Variants in DPYSL2 observed in about 807,000 individuals in gnomAD.
The protein encoded by DPYSL2 is dihydropyrimidinase-related protein 2.
In DPYSL2, 13 loss-of-function variants were observed where a neutral mutation model predicts 69.9. The ratio of observed to expected loss-of-function variants is 0.19; its 90% CI spans 0.12 to 0.30. The LOEUF (loss-of-function observed/expected upper bound fraction) is 0.30, where lower values mean the gene tolerates loss of function less well. Ranked by LOEUF, DPYSL2 falls within the 10% of genes least tolerant of loss-of-function variation. DPYSL2 has a pLI of 1.00. For missense variants in DPYSL2, 587 were observed against 918.9 expected, an observed-to-expected ratio of 0.64 and a Z score of 4.67; for synonymous variants, 326 against 359.1, an observed-to-expected ratio of 0.91 and a Z score of 1.04.
At chr8:26,531,001 ATGAGCCC>A (rs1443031819) in intron 1 of DPYSL2, among the ~76,000 whole-genome samples, 2 of 151,464 alleles carry the variant, frequency 1.3e-5, no homozygotes, top group African/African-American at 4.9e-5. Flanking sequence ...TGAGGCTGCA[ATGAGCCC>A]TGATTGTGTC....
At chr8:26,638,029 C>G (rs1802958117) in intron 8 of DPYSL2, 1 of 152,196 alleles carries the variant, frequency 6.6e-6, no homozygotes, top group African/African-American at 2.4e-5. Flanking sequence ...CTTCTGGCCC[C>G]CTGAGGCAAG....
At chr8:26,570,241 AG>A (rs34090427) in intron 1 of DPYSL2, among the ~76,000 whole-genome samples, 81,200 of 151,774 alleles carry the variant, frequency 0.54, 22,542 homozygotes, top group East Asian at 0.66. Flanking sequence ...CTATGAGGGG[AG>A]GGCCAGAGCC....
intron 1 of DPYSL2, among the ~76,000 whole-genome samples, chr8:26,541,774 C>T (rs1800687663): frequency 6.6e-6 from 1 of 151,858 alleles, no homozygotes; most frequent in African/African-American, 2.4e-5. Flanking sequence ...AAGCCTTTAT[C>T]TAATAGCAAA....
chr8:26,584,328 T>G (rs752454136), intron 3 of DPYSL2, among the ~76,000 whole-genome samples: 1 of 152,228 alleles, frequency 6.6e-6, no homozygotes, highest in Non-Finnish European at 1.5e-5. Context: ...CCACCAACTT[T>G]AAGCCATTGA....
rs913000055 is a variant in DPYSL2, at chr8:26,586,637, C to T, written c.628+2654C>T. On this transcript the variant is annotated intron_variant, in intron 3 of 13. Transcript: ENST00000521913. This position sits in a 1 kb window ranked among gnomAD's most constrained non-coding sequence, Gnocchi z 4.7. ...TCGTCTTCCCCCTCAGAGGCTGTGGCCTTTTTTCCATTCATCCAGATGGGT... is the reference window on the plus strand; with the variant it reads ...TCGTCTTCCCCCTCAGAGGCTGTGGTCTTTTTTCCATTCATCCAGATGGGT... Among the ~76,000 whole-genome samples, 9 of 152,204 alleles carry T rather than the reference C, an allele frequency of 5.9e-5. No homozygotes were observed. The highest frequency in any genetic ancestry group is 2.2e-4 in the African/African-American group (9 of 41,454).
At chr8:26,572,656 C>G (rs980990119) in intron 1 of DPYSL2, among the ~76,000 whole-genome samples, 1 of 152,106 alleles carries the variant, frequency 6.6e-6, no homozygotes, top group South Asian at 2.1e-4. Context: ...TCCCCTACCA[C>G]GCCCAGCTAG....
intron 3 of DPYSL2, among the ~76,000 whole-genome samples, chr8:26,606,478 G>C (rs913238804): frequency 5.3e-5 from 8 of 151,954 alleles, no homozygotes; most frequent in African/African-American, 1.9e-4. Flanking sequence ...TAACGAAGTA[G>C]GACATTCGAC....
chr8:26,535,616 GAT>G (rs542036370), intron 1 of DPYSL2, among the ~76,000 whole-genome samples: 31 of 147,904 alleles, frequency 2.1e-4, no homozygotes, highest in East Asian at 3.9e-4. Context: ...AAAACAGACT[GAT>G]ATATATATAT....
intron 1 of DPYSL2, among the ~76,000 whole-genome samples, chr8:26,522,337 A>AAACAAACAAACT (rs59100943): frequency 1.5e-5 from 2 of 137,894 alleles, no homozygotes; most frequent in African/African-American, 5.1e-5. Flanking sequence ...ACAAACAAAC[A>AAACAAACAAACT]AATGTTTTCA....
chr8:26,608,076 CAAAAAAAAAAAA>C (rs11355802), intron 3 of DPYSL2, among the ~76,000 whole-genome samples: 1 of 73,944 alleles, frequency 1.4e-5, no homozygotes, highest in Non-Finnish European at 3.1e-5. Context: ...GACTCCATCT[CAAAAAAAAAAAA>C]AAAAAAATTG....
intron 8 of DPYSL2, among the ~76,000 whole-genome samples, chr8:26,635,743 T>C (rs1371283409): frequency 6.6e-6 from 1 of 152,174 alleles, no homozygotes; most frequent in Non-Finnish European, 1.5e-5. Context: ...TTGGGATCTC[T>C]CCATCTCTGT....
At chr8:26,615,934 G>A (rs1048605355) in intron 3 of DPYSL2, among the ~76,000 whole-genome samples, 1 of 152,146 alleles carries the variant, frequency 6.6e-6, no homozygotes, top group Non-Finnish European at 1.5e-5. Context: ...TTTTATGCAT[G>A]GGCGTTTTTC....
rs1233487535 is a variant in DPYSL2 at position 26,598,639 on chromosome 8, G to A, written c.628+14656G>A. Reference sequence around the variant, plus strand: ...TTGAGGCATTTGATCATTTTTTCCCGTTAGCTTACAGCACAAAGTACTTTG... The same window carrying A: ...TTGAGGCATTTGATCATTTTTTCCCATTAGCTTACAGCACAAAGTACTTTG... On this transcript the variant is annotated intron_variant, in intron 3 of 13. Coordinates refer to ENST00000521913, the MANE Select transcript of DPYSL2 (RefSeq NM_001197293.3). This position sits in a 1 kb window ranked among gnomAD's most constrained non-coding sequence, Gnocchi z 4.2. Among the ~76,000 whole-genome samples, 2 of 152,062 alleles carry A rather than the reference G, an allele frequency of 1.3e-5. No homozygotes were observed. The highest frequency in any genetic ancestry group is 4.8e-5 in the African/African-American group (2 of 41,382).
chr8:26,563,724 C>T (rs1801108322), intron 1 of DPYSL2, among the ~76,000 whole-genome samples: 1 of 152,198 alleles, frequency 6.6e-6, no homozygotes, highest in Non-Finnish European at 1.5e-5. Context: ...TTGTTTCTTT[C>T]CCCATTAATT....
intron 1 of DPYSL2, among the ~76,000 whole-genome samples, chr8:26,559,731 T>C (rs1284835156): frequency 6.6e-6 from 1 of 152,252 alleles, no homozygotes; most frequent in Non-Finnish European, 1.5e-5. Flanking sequence ...TTAAATGTTA[T>C]GTATATTAAG....
At chr8:26,613,773 T>C (rs1190794272) in intron 3 of DPYSL2, among the ~76,000 whole-genome samples, 1 of 152,026 alleles carries the variant, frequency 6.6e-6, no homozygotes, top group African/African-American at 2.4e-5. Context: ...TTGGGACATT[T>C]TGAATAGATG....
At chr8:26,599,930 C>T (rs1382822457) in intron 3 of DPYSL2, among the ~76,000 whole-genome samples, 1 of 152,134 alleles carries the variant, frequency 6.6e-6, no homozygotes, top group South Asian at 2.1e-4. Context: ...CCACCTCTCC[C>T]CTTGCACCCC....
chr8:26,514,717 GC>G lies in DPYSL2; in HGVS notation c.354+39del. 7.5e-7 allele frequency: 1 copy of G among 1,329,140 alleles called. No homozygotes were observed. The highest frequency in any genetic ancestry group is 9.7e-7 in the Non-Finnish European group (1 of 1,032,844). The allele number at this position is 1,329,140 out of a possible 1,614,324, so 82.3% of individuals were successfully genotyped here. On this transcript the variant is annotated intron_variant, in intron 1 of 13. Coordinates refer to ENST00000521913, the MANE Select transcript of DPYSL2 (RefSeq NM_001197293.3). The surrounding 1 kb of genome is among the most constrained non-coding windows in gnomAD (Gnocchi z 8.4). ...GTTGGGGGTGGAGACGGAGGACGGG[GC>G]GCGGGGATCGCCCCTCCCTCGCCCC...
chr8:26,644,290 A>G lies in DPYSL2; in HGVS notation c.1425+199A>G, dbSNP rs1465604036. On this transcript the variant is annotated intron_variant, in intron 10 of 13. Transcript: ENST00000521913. This position sits in a 1 kb window ranked among gnomAD's most constrained non-coding sequence, Gnocchi z 4.5. ...GGTCATTTCTTCCTAAATATTACAT[A>G]TATATTTCTTTTTAAAACAATTTTT... Among the ~76,000 whole-genome samples, 2 of 152,180 alleles carry G rather than the reference A, an allele frequency of 1.3e-5. No individual in the cohort carries two copies. The highest frequency in any genetic ancestry group is 4.1e-4 in the South Asian group (2 of 4,828).
Sources: gnomAD v4.1 joint callset for allele counts (sites outside exome capture counted in the v4.1 genomes callset) on GRCh38, gnomAD v4.1.1 for gene constraint, Gnocchi (gnomAD v3.1) non-coding constraint, MANE v1.5 for transcripts, NCBI Gene and HGNC (gene_info 2026-07-23, HGNC 2026-07-21) for gene names.